Variants in RGS14 observed in about 807,000 individuals in gnomAD.
RGS14 encodes regulator of G protein signaling 14, also known as regulator of G-protein signaling 14.
In RGS14, 33 loss-of-function variants were observed where a neutral mutation model predicts 63.8. That is an observed-to-expected ratio of 0.52 (90% CI 0.39 to 0.69). The LOEUF (loss-of-function observed/expected upper bound fraction) is 0.69, where lower values mean the gene tolerates loss of function less well. Ranked by LOEUF, RGS14 falls within the 30% of genes least tolerant of loss-of-function variation. RGS14 has a pLI of 0.00. For missense variants in RGS14, 739 were observed against 742.9 expected (o/e 0.99, Z 0.06); for synonymous variants, 296 against 320.9 (o/e 0.92, Z 0.83).
At chr5:177,369,552 G>A (rs963408598) in intron 9 of RGS14, among the ~76,000 whole-genome samples, 2 of 152,202 alleles carry the variant, frequency 1.3e-5, no homozygotes, top group South Asian at 4.1e-4. Context: ...GGAGTGATCA[G>A]GGAGGAGGAA....
chr5:177,367,808 G>T lies in RGS14; in HGVS notation c.722G>T (p.Arg241Leu), dbSNP rs1762138764. The change falls in exon 7 of 15, where the codon CGC becomes CTC. Residue 241 changes from arginine (R) to leucine (L), a missense_variant. Transcript: ENST00000408923. ...PVEGPGGRPL[R>L]KSFRRELGGT... ...GAGGGTCCTGGGGGCCGCCCTCTCCGCAAGTCCTTCCGCCGGGGTGAGGGC... is the reference window on the plus strand; with the variant it reads ...GAGGGTCCTGGGGGCCGCCCTCTCCTCAAGTCCTTCCGCCGGGGTGAGGGC... The T allele has an allele frequency of 2.5e-6, 4 of 1,597,736 alleles. No individual in the cohort carries two copies. The highest frequency in any genetic ancestry group is 1.1e-5 in the South Asian group (1 of 89,414).
Position 177,371,075 on chromosome 5 carries a change from GGGGCCGGGGC to G in RGS14, c.1254+45_1254+54del. The G allele has an allele frequency of 2.6e-4, 45 of 176,462 alleles. No homozygotes were observed. Among genetic ancestry groups the G allele is most frequent in the South Asian group, 7.1e-4 (2 of 2,812 alleles). The allele number at this position is 176,462 out of a possible 1,614,324, so 10.9% of individuals were successfully genotyped here. A position where few individuals can be genotyped will look rare whatever the true frequency, so the allele number is the denominator to read the frequency against. ...GGGCGGGGCGGGGCGGGGCCGGGCCGGGGCCGGGGCCGGGGCCGGGGCCGGGGCCGGGGCC... is the reference window on the plus strand; with the variant it reads ...GGGCGGGGCGGGGCGGGGCCGGGCCGCGGGGCCGGGGCCGGGGCCGGGGCC... On this transcript the variant is annotated intron_variant, in intron 11 of 14. Coordinates refer to ENST00000408923, the MANE Select transcript of RGS14 (RefSeq NM_006480.5). The surrounding 1 kb of genome is among the most constrained non-coding windows in gnomAD (Gnocchi z 6.1).
In RGS14 at chr5:177,368,162, G is replaced by T; in HGVS notation, c.745G>T (p.Gly249Cys). The T allele has an allele frequency of 6.2e-7, 1 of 1,613,206 alleles. No homozygotes were observed. ...PLRKSFRREL[G>C]GTANAALRRE... ...CATCGCTCCCTCTTCACTAGAGCTG[G>T]GCGGGACTGCAAACGCCGCCTTGCG... The change falls in exon 8 of 15, where the codon GGC becomes TGC. Residue 249 changes from glycine to cysteine, a missense_variant. Transcript: ENST00000408923.
rs560186303 is a variant in RGS14 at position 177,358,002 on chromosome 5, G to A, written c.-23G>A. The A allele has an allele frequency of 7.0e-5, 94 of 1,347,126 alleles. 1 individual carries two copies. The Middle Eastern group carries it at 2.7e-3, about 39-fold the overall frequency. 83.4% of individuals were successfully genotyped at this position (1,347,126 alleles called of 1,614,324 possible). Reference sequence around the variant, plus strand: ...CCCCATGGTGGGCAGCCCCCGCGGCGGGGACCCCTGATCGGCAGCGGCATG... The same window carrying A: ...CCCCATGGTGGGCAGCCCCCGCGGCAGGGACCCCTGATCGGCAGCGGCATG... On this transcript the variant is annotated 5_prime_UTR_variant, in exon 1 of 15. Transcript: ENST00000408923. This position sits in a 1 kb window ranked among gnomAD's most constrained non-coding sequence, Gnocchi z 4.8.
In RGS14 at chr5:177,358,841, G is replaced by C. The variant is rs111585710; in HGVS notation, c.45+772G>C. On this transcript the variant is annotated intron_variant, in intron 1 of 14. Coordinates refer to ENST00000408923, the MANE Select transcript of RGS14 (RefSeq NM_006480.5). The surrounding 1 kb of genome is among the most constrained non-coding windows in gnomAD (Gnocchi z 4.8). ...GAAGAGTCCCTCTTAACAACCTCAG[G>C]AAGGCCAGTGTCCTGGCCCACCACC... Among the ~76,000 whole-genome samples, 60 of 152,296 alleles carry C rather than the reference G, an allele frequency of 3.9e-4. No homozygotes were observed. Among genetic ancestry groups the C allele is most frequent in the Middle Eastern group, 3.4e-3 (1 of 294 alleles).
At chr5:177,363,588 T>C (rs990205753) in intron 1 of RGS14, among the ~76,000 whole-genome samples, 1 of 152,170 alleles carries the variant, frequency 6.6e-6, no homozygotes, top group Non-Finnish European at 1.5e-5. Flanking sequence ...GCATCAACAC[T>C]GACACAAGAA....
At chr5:177,365,898 C>A (rs1762079293) in intron 1 of RGS14, 65 bp from the exon 2 acceptor site, 2 of 1,550,508 alleles carry the variant, frequency 1.3e-6, no homozygotes, top group Non-Finnish European at 8.9e-7. Context: ...GGGAGTCGGG[C>A]CCAGAACTGT....
intron 1 of RGS14, among the ~76,000 whole-genome samples, chr5:177,362,062 C>A (rs1315093103): frequency 6.6e-6 from 1 of 152,146 alleles, no homozygotes; most frequent in Non-Finnish European, 1.5e-5. Context: ...GGTGCTTTCA[C>A]TCATGGGGCC....
intron 1 of RGS14, among the ~76,000 whole-genome samples, chr5:177,360,825 A>G (rs1269716451): frequency 1.3e-5 from 2 of 152,180 alleles, no homozygotes; most frequent in African/African-American, 4.8e-5. Flanking sequence ...AGGCAGGAGA[A>G]TTGCTTGAAC....
rs763808612 is a variant in RGS14, at chr5:177,371,849, C to A, written c.1499-24C>A. On this transcript the variant is annotated intron_variant, in intron 14 of 14. Coordinates refer to ENST00000408923, the MANE Select transcript of RGS14 (RefSeq NM_006480.5). This position sits in a 1 kb window ranked among gnomAD's most constrained non-coding sequence, Gnocchi z 6.1. ...ATATAGGCAGGTCTGCTGGGGGGAC[C>A]CTCATGCTGTGGCTTGCCTCCAGGC... The A allele has an allele frequency of 6.2e-7, 1 of 1,604,814 alleles. No individual in the cohort carries two copies. The highest frequency in any genetic ancestry group is 8.5e-7 in the Non-Finnish European group (1 of 1,175,036).
chr5:177,370,739 C>G lies in RGS14; in HGVS notation c.1127+75C>G. ...AGGCCCTGTTCTAGCTACCTGGCTC[C>G]CCAGGCCCCGCCCCTCGTGCTAGCC... On this transcript the variant is annotated intron_variant, in intron 10 of 14. Coordinates refer to ENST00000408923, the MANE Select transcript of RGS14 (RefSeq NM_006480.5). 20 of 1,560,318 alleles carry G rather than the reference C, an allele frequency of 1.3e-5. No homozygotes were observed. In the South Asian group the frequency reaches 2.1e-4, roughly 17 times the overall value.
In RGS14 at chr5:177,368,908, G is replaced by A; in HGVS notation, c.1041G>A (p.Val347=). The change falls in exon 9 of 15, where the codon GTG becomes GTA. Residue 347 remains valine (V), a synonymous_variant. Transcript: ENST00000408923. ...TACCTGACATCAAGGTCTACCTGGT[G>A]GGCAATGAACAGGTGGGAACGTGAC... ...LSLPDIKVYL[V]GNEQALVLDQ... is the part of the protein sequence containing the mutation. 6.2e-7 allele frequency: 1 copy of A among 1,614,080 alleles called. No individual in the cohort carries two copies. The highest frequency in any genetic ancestry group is 8.5e-7 in the Non-Finnish European group (1 of 1,179,962).
At position 177,358,074 on chromosome 5, in the gene RGS14, G is replaced by C; in HGVS notation, c.45+5G>C. On this transcript the variant is annotated splice_donor_5th_base_variant and intron_variant, in intron 1 of 14. Transcript: ENST00000408923. The surrounding 1 kb of genome is among the most constrained non-coding windows in gnomAD (Gnocchi z 4.8). Reference sequence around the variant, plus strand: ...GGCGTCCCCAACGGGCGCATGGTGAGTGTGGGCTCCGGGCCAGGGCCACGA... The same window carrying C: ...GGCGTCCCCAACGGGCGCATGGTGACTGTGGGCTCCGGGCCAGGGCCACGA... 3 of 1,348,182 alleles carry C rather than the reference G, an allele frequency of 2.2e-6. No homozygotes were observed. The highest frequency in any genetic ancestry group is 2.9e-6 in the Non-Finnish European group (3 of 1,039,888). 83.5% of individuals were successfully genotyped at this position (1,348,182 alleles called of 1,614,324 possible).
chr5:177,366,875 GT>G lies in RGS14; in HGVS notation c.340-15del. 6.2e-7 allele frequency: 1 copy of G among 1,613,526 alleles called. No homozygotes were observed. The highest frequency in any genetic ancestry group is 8.5e-7 in the Non-Finnish European group (1 of 1,179,564). ...CCACGCTCCCTGACCAACTCCTCCTGTCCCTCCTCCTTCAGCTAGCTCAGGA... is the reference window on the plus strand; with the variant it reads ...CCACGCTCCCTGACCAACTCCTCCTGCCCTCCTCCTTCAGCTAGCTCAGGA... On this transcript the variant is annotated splice_polypyrimidine_tract_variant and intron_variant, in intron 4 of 14. Transcript: ENST00000408923.
In RGS14 at chr5:177,371,062, G is replaced by GCCGGGC. The variant is rs1383878449; in HGVS notation, c.1254+32_1254+33insCGGGCC. ...CTTCCGGGCCGCGGGGCGGGGCGGG[G>GCCGGGC]CGGGGCCGGGCCGGGGCCGGGGCCG... is the stretch of plus-strand genomic sequence containing the variant. On this transcript the variant is annotated intron_variant, in intron 11 of 14. Transcript: ENST00000408923. The surrounding 1 kb of genome is among the most constrained non-coding windows in gnomAD (Gnocchi z 6.1). 2.2e-5 allele frequency: 24 copies of GCCGGGC among 1,102,054 alleles called. No individual in the cohort carries two copies. In the African/African-American group the frequency reaches 3.9e-4, roughly 18 times the overall value. 68.3% of individuals were successfully genotyped at this position (1,102,054 alleles called of 1,614,324 possible). A position where few individuals can be genotyped will look rare whatever the true frequency, so the allele number is the denominator to read the frequency against.
chr5:177,367,210 G>A (rs943178368), intron 5 of RGS14, 176 bp downstream of exon 5: 14 of 1,101,800 alleles, frequency 1.3e-5, no homozygotes, highest in East Asian at 7.5e-5. Flanking sequence ...GAGGCACGGG[G>A]AAGGACAGTT....
chr5:177,367,542 T>G lies in RGS14; in HGVS notation c.612T>G (p.Pro204=), dbSNP rs564411174. 1.9e-6 allele frequency: 3 copies of G among 1,610,326 alleles called. No individual in the cohort carries two copies. The East Asian group carries it at 6.7e-5, about 36-fold the overall frequency. Residue 204 remains proline (P), a synonymous_variant, in exon 6 of 15, where the codon CCT becomes CCG. Transcript: ENST00000408923. ...REPGSSRLGS[P]DATRKKPKLK... ...CTGGCTCCTCGCGCCTCGGCAGCCC[T>G]GACGCCACGAGGAAGGTGCGTGGGA...
Position 177,371,899 on chromosome 5 carries a change from C to G in RGS14, c.1525C>G (p.Gln509Glu), listed in dbSNP as rs1330425479. 1 of 1,613,636 alleles carries G rather than the reference C, an allele frequency of 6.2e-7. No homozygotes were observed. Among genetic ancestry groups the G allele is most frequent in the Admixed American group, 1.7e-5 (1 of 59,996 alleles). Reference protein sequence around the residue: ...EGLVELLNRVQSSGAHDQRGL... With the variant: ...EGLVELLNRVESSGAHDQRGL... ...CCTGGTGGAGCTGCTGAACCGGGTG[C>G]AGAGCAGCGGGGCCCACGACCAGAG... The change falls in exon 15 of 15, where the codon CAG (glutamine) becomes GAG (glutamate). Residue 509 changes from glutamine (Q) to glutamate (E), a missense_variant. By Grantham distance (29) the Gln-to-Glu change is conservative. Transcript: ENST00000408923. The surrounding 1 kb of genome is among the most constrained non-coding windows in gnomAD (Gnocchi z 6.1).
Position 177,371,866 on chromosome 5 carries a change from C to A in RGS14, c.1499-7C>A. The A allele has an allele frequency of 6.2e-7, 1 of 1,607,002 alleles. No individual in the cohort carries two copies. ...GGGGGGACCCTCATGCTGTGGCTTGCCTCCAGGCCTGGTGGAGCTGCTGAA... is the reference window on the plus strand; with the variant it reads ...GGGGGGACCCTCATGCTGTGGCTTGACTCCAGGCCTGGTGGAGCTGCTGAA... On this transcript the variant is annotated splice_region_variant and splice_polypyrimidine_tract_variant and intron_variant, in intron 14 of 14. Coordinates refer to ENST00000408923, the MANE Select transcript of RGS14 (RefSeq NM_006480.5). This position sits in a 1 kb window ranked among gnomAD's most constrained non-coding sequence, Gnocchi z 6.1.
Sources: gnomAD v4.1 joint callset for allele counts (sites outside exome capture counted in the v4.1 genomes callset) on GRCh38, gnomAD v4.1.1 for gene constraint, Gnocchi (gnomAD v3.1) non-coding constraint, MANE v1.5 for transcripts, NCBI Gene and HGNC (gene_info 2026-07-23, HGNC 2026-07-21) for gene names.